SGPP2: variants seen among roughly 807,000 people sequenced by gnomAD.
The protein encoded by SGPP2 is sphingosine 1-phosphate phosphohydrolase 2.
SGPP2 carries 30 observed loss-of-function variants against 33.9 expected under a neutral mutation model. That is an observed-to-expected ratio of 0.89 (90% CI 0.66 to 1.20). SGPP2 has a LOEUF of 1.20. Among genes scored for constraint, SGPP2 ranks in the 50% most tolerant of loss-of-function variants. The pLI is 0.00. For synonymous variants in SGPP2, 233 were observed against 225.0 expected (o/e 1.04, Z -0.32); for missense variants, 458 against 532.1 (o/e 0.86, Z 1.37).
intron 2 of SGPP2, among the ~76,000 whole-genome samples, chr2:222,494,815 T>G (rs535338088): frequency 2.0e-5 from 3 of 152,244 alleles, no homozygotes; most frequent in Non-Finnish European, 4.4e-5. Context: ...CCCTCTTCAT[T>G]TTAAAAAGAA....
chr2:222,513,044 A>G (rs1273635769), intron 2 of SGPP2, among the ~76,000 whole-genome samples: 1 of 152,202 alleles, frequency 6.6e-6, no homozygotes, highest in East Asian at 1.9e-4. Flanking sequence ...GTTATAAGAA[A>G]CTGCCATACC....
chr2:222,494,344 G>A (rs1223566821), intron 2 of SGPP2, among the ~76,000 whole-genome samples: 1 of 152,242 alleles, frequency 6.6e-6, no homozygotes, highest in Admixed American at 6.5e-5. Flanking sequence ...AGGAAATGAA[G>A]AGTTTTGGAA....
intron 1 of SGPP2, among the ~76,000 whole-genome samples, chr2:222,442,713 T>C (rs2106068176): frequency 6.6e-6 from 1 of 152,364 alleles, no homozygotes; most frequent in South Asian, 2.1e-4. Context: ...AAATGTAGTT[T>C]CTTTTTGCAA....
intron 4 of SGPP2, among the ~76,000 whole-genome samples, chr2:222,533,606 T>C (rs1045921391): frequency 2.0e-5 from 3 of 152,130 alleles, no homozygotes; most frequent in Non-Finnish European, 2.9e-5. Context: ...GGGAAATGTA[T>C]TGATGTTTAT....
At chr2:222,454,544 T>C (rs1697541736) in intron 1 of SGPP2, among the ~76,000 whole-genome samples, 2 of 152,216 alleles carry the variant, frequency 1.3e-5, no homozygotes, top group Non-Finnish European at 2.9e-5. Context: ...TTTTCTTTAA[T>C]GTGAACCACA....
intron 1 of SGPP2, among the ~76,000 whole-genome samples, chr2:222,462,882 G>A (rs1482446144): frequency 6.6e-6 from 1 of 152,062 alleles, no homozygotes; most frequent in Non-Finnish European, 1.5e-5. Flanking sequence ...AAGCAGGGTC[G>A]GAGGAGGTAG....
intron 2 of SGPP2, among the ~76,000 whole-genome samples, chr2:222,502,598 G>A (rs1309145077): frequency 6.6e-6 from 1 of 152,222 alleles, no homozygotes. Flanking sequence ...GATTAGGGAT[G>A]CTCAACCTAT....
At chr2:222,431,541 G>C (rs1490348236) in intron 1 of SGPP2, among the ~76,000 whole-genome samples, 1 of 152,062 alleles carries the variant, frequency 6.6e-6, no homozygotes, top group East Asian at 1.9e-4. Flanking sequence ...TTTACAAGGT[G>C]GGGGTAATTG....
At chr2:222,494,120 C>T (rs1698239353) in intron 2 of SGPP2, among the ~76,000 whole-genome samples, 1 of 152,182 alleles carries the variant, frequency 6.6e-6, no homozygotes, top group Admixed American at 6.5e-5. Flanking sequence ...TGGCTTTCCT[C>T]AGCCCTTCCC....
At chr2:222,541,495 T>C (rs1235674461) in intron 4 of SGPP2, among the ~76,000 whole-genome samples, 1 of 152,242 alleles carries the variant, frequency 6.6e-6, no homozygotes, top group Non-Finnish European at 1.5e-5. Flanking sequence ...TATAGGTGTG[T>C]AAGTAGTGCC....
At chr2:222,514,695 C>T (rs528291575) in intron 2 of SGPP2, among the ~76,000 whole-genome samples, 10 of 152,308 alleles carry the variant, frequency 6.6e-5, no homozygotes, top group African/African-American at 2.4e-4. Context: ...TCTGGCAGAA[C>T]ACTTAAGAGT....
chr2:222,517,419 G>C (rs991854255), intron 2 of SGPP2, among the ~76,000 whole-genome samples: 4 of 152,142 alleles, frequency 2.6e-5, no homozygotes, highest in African/African-American at 9.7e-5. Flanking sequence ...GAGATCGGCT[G>C]CTGGATAACC....
chr2:222,436,476 C>A (rs1697242393), intron 1 of SGPP2, among the ~76,000 whole-genome samples: 1 of 152,162 alleles, frequency 6.6e-6, no homozygotes, highest in South Asian at 2.1e-4. Context: ...ACTATTGTCA[C>A]CTAGTTGGCA....
intron 1 of SGPP2, among the ~76,000 whole-genome samples, chr2:222,451,480 C>G (rs191700463): frequency 3.3e-5 from 5 of 152,300 alleles, no homozygotes; most frequent in Non-Finnish European, 7.4e-5. Context: ...CCCAAGGCAC[C>G]TAAACCCTAC....
intron 4 of SGPP2, among the ~76,000 whole-genome samples, chr2:222,527,532 G>C (rs188251502): frequency 1.9e-3 from 288 of 152,326 alleles, no homozygotes; most frequent in Middle Eastern, 3.4e-3. Flanking sequence ...CTATGGTTGA[G>C]AGCCATTATA....
intron 1 of SGPP2, among the ~76,000 whole-genome samples, chr2:222,431,323 G>C (rs540652645): frequency 3.9e-5 from 6 of 152,154 alleles, no homozygotes; most frequent in African/African-American, 1.4e-4. Flanking sequence ...TAGCCAACAT[G>C]GTGAAACCCT....
At chr2:222,530,822 A>T (rs1453824778) in intron 4 of SGPP2, among the ~76,000 whole-genome samples, 1 of 152,118 alleles carries the variant, frequency 6.6e-6, no homozygotes, top group Non-Finnish European at 1.5e-5. Flanking sequence ...GGCCTATCTC[A>T]GTTTTTGAAA....
Position 222,558,024 on chromosome 2 carries a change from G to A in SGPP2, c.649-323G>A, listed in dbSNP as rs193217281. ...GACGGTGACAGTATTTGTGATATAA[G>A]TGTCGAAATACTAGATTTATATAAG... On this transcript the variant is annotated intron_variant, in intron 4 of 4. Transcript: ENST00000321276. Among the ~76,000 whole-genome samples, 34 of 152,272 alleles carry A rather than the reference G, an allele frequency of 2.2e-4. No individual in the cohort carries two copies. The East Asian group carries it at 6.0e-3, about 27-fold the overall frequency.
intron 4 of SGPP2, among the ~76,000 whole-genome samples, chr2:222,539,354 C>T (rs762062474): frequency 3.9e-5 from 6 of 152,112 alleles, no homozygotes; most frequent in Non-Finnish European, 8.8e-5. Context: ...TTGTTAAATG[C>T]TGTATGTTAG....
Sources: gnomAD v4.1 joint callset for allele counts (sites outside exome capture counted in the v4.1 genomes callset) on GRCh38, gnomAD v4.1.1 for gene constraint, MANE v1.5 for transcripts, NCBI Gene and HGNC (gene_info 2026-07-23, HGNC 2026-07-21) for gene names.